ZC3HAV1: variants seen among roughly 807,000 people sequenced by gnomAD.
ZC3HAV1 encodes the protein zinc finger CCCH-type containing, antiviral 1, also known as zinc finger CCCH-type antiviral protein 1.
ZC3HAV1 carries 41 observed loss-of-function variants against 86.6 expected under a neutral mutation model. That is an observed-to-expected ratio of 0.47 (90% CI 0.37 to 0.61). The LOEUF (loss-of-function observed/expected upper bound fraction) is 0.61. Among genes scored for constraint, ZC3HAV1 ranks in the 20% least tolerant of loss-of-function variants. The pLI is 0.00. For missense variants in ZC3HAV1, 964 were observed against 1,141.1 expected, an observed-to-expected ratio of 0.84 and a Z score of 2.24; for synonymous variants, 421 against 432.1, an observed-to-expected ratio of 0.97 and a Z score of 0.32.
chr7:139,060,687 AAAAAAAG>A, intron 9 of ZC3HAV1: 1 of 1,094,450 alleles, frequency 9.1e-7, no homozygotes, highest in Non-Finnish European at 1.1e-6. Flanking sequence ...AAAAAAAAAA[AAAAAAAG>A]AATCCACAGC....
At chr7:139,107,246 G>T (rs947851093) in intron 1 of ZC3HAV1, among the ~76,000 whole-genome samples, 3 of 152,066 alleles carry the variant, frequency 2.0e-5, no homozygotes, top group African/African-American at 7.2e-5. Flanking sequence ...TGATTTCCTC[G>T]ATACCCATAA....
rs551341294 is a variant in ZC3HAV1 at position 139,076,867 on chromosome 7, G to C, written c.1574-458C>G. On this transcript the variant is annotated intron_variant, in intron 5 of 12. Coordinates refer to ENST00000242351, the MANE Select transcript of ZC3HAV1 (RefSeq NM_020119.4). ...AGATCACCCCACTGCACTCCAGCCT[G>C]GGTGACAGAGTGAAATTCTGTCTCA... Among the ~76,000 whole-genome samples, 5 of 151,902 alleles carry C rather than the reference G, an allele frequency of 3.3e-5. No homozygotes were observed. The East Asian group carries it at 5.8e-4, about 18-fold the overall frequency.
In ZC3HAV1 at chr7:139,094,497, TAA is replaced by T. The variant is rs34388465; in HGVS notation, c.309-4740_309-4739del. On this transcript the variant is annotated intron_variant, in intron 1 of 12. Coordinates refer to ENST00000242351, the MANE Select transcript of ZC3HAV1 (RefSeq NM_020119.4). ...CGAGTTGCAGTAGGAGGTGATAACT[TAA>T]AAAAAAAAAAAAAAACAGCAAAGAC... Among the ~76,000 whole-genome samples the T allele has an allele frequency of 5.3e-3, 682 of 129,488 alleles. 6 individuals are homozygous for T. Among genetic ancestry groups the T allele is most frequent in the African/African-American group, 0.018 (638 of 36,124 alleles). 84.9% of individuals were successfully genotyped at this position (129,488 alleles called of 152,430 possible). A position where few individuals can be genotyped will look rare whatever the true frequency, so the allele number is the denominator to read the frequency against.
chr7:139,100,299 A>G (rs1817712174), intron 1 of ZC3HAV1, among the ~76,000 whole-genome samples: 1 of 152,126 alleles, frequency 6.6e-6, no homozygotes, highest in Non-Finnish European at 1.5e-5. Context: ...TGGGAGGCCA[A>G]GGTGGGCAGA....
intron 3 of ZC3HAV1, among the ~76,000 whole-genome samples, chr7:139,082,224 G>A (rs915770222): frequency 3.3e-5 from 5 of 151,692 alleles, no homozygotes; most frequent in African/African-American, 9.7e-5. Flanking sequence ...AGCCGAGGTC[G>A]CACCACTGAA....
At chr7:139,064,516 C>T (rs1034547402) in intron 8 of ZC3HAV1, among the ~76,000 whole-genome samples, 3 of 152,158 alleles carry the variant, frequency 2.0e-5, no homozygotes, top group Admixed American at 6.5e-5. Context: ...AGGCCTCTAC[C>T]GTAGTCACCA....
At position 139,055,324 on chromosome 7, in the gene ZC3HAV1, ACT is replaced by A. The variant is rs774675505; in HGVS notation, c.2097-31_2097-30del. On this transcript the variant is annotated intron_variant, in intron 9 of 12. Transcript: ENST00000242351. ...CAAATAAAGAGAAAGAATTCACTTA[ACT>A]CTCTGCTCCACAGGCCCAAGTGATG... The A allele has an allele frequency of 4.4e-6, 7 of 1,591,898 alleles. No homozygotes were observed. The South Asian group carries it at 4.4e-5, about 10-fold the overall frequency.
chr7:139,097,984 G>A (rs564900235), intron 1 of ZC3HAV1, among the ~76,000 whole-genome samples: 30 of 151,848 alleles, frequency 2.0e-4, no homozygotes, highest in Admixed American at 6.6e-4. Flanking sequence ...TCACGCTGTC[G>A]CCCAGGTTGG....
chr7:139,070,673 A>AAG (rs1218001622), intron 7 of ZC3HAV1, among the ~76,000 whole-genome samples: 1 of 149,920 alleles, frequency 6.7e-6, no homozygotes, highest in African/African-American at 2.5e-5. Context: ...CAAAAAAAAA[A>AAG]AAAAAAAAAA....
intron 1 of ZC3HAV1, among the ~76,000 whole-genome samples, chr7:139,095,484 A>C (rs920417647): frequency 3.3e-5 from 5 of 152,226 alleles, no homozygotes; most frequent in African/African-American, 7.2e-5. Flanking sequence ...CAGCAGGCAC[A>C]AAGAGAGCCC....
At chr7:139,085,240 A>G (rs1817240235) in intron 2 of ZC3HAV1, among the ~76,000 whole-genome samples, 1 of 152,234 alleles carries the variant, frequency 6.6e-6, no homozygotes, top group Non-Finnish European at 1.5e-5. Context: ...TGTAGCAAAA[A>G]AGCACCATTA....
chr7:139,095,882 T>C (rs1466343954), intron 1 of ZC3HAV1, among the ~76,000 whole-genome samples: 1 of 152,206 alleles, frequency 6.6e-6, no homozygotes, highest in Admixed American at 6.5e-5. Context: ...GGCATCAGTA[T>C]TTTTTAAAGA....
At chr7:139,097,401 C>CATATAT (rs1183885767) in intron 1 of ZC3HAV1, among the ~76,000 whole-genome samples, 100 of 63,838 alleles carry the variant, frequency 1.6e-3, no homozygotes, top group African/African-American at 6.2e-3. Flanking sequence ...ATTGGAACTC[C>CATATAT]ATATATATAT....
In ZC3HAV1 at chr7:139,055,198, C is replaced by T; in HGVS notation, c.2187+7G>A. The T allele has an allele frequency of 6.2e-7, 1 of 1,610,944 alleles. No homozygotes were observed. Among genetic ancestry groups the T allele is most frequent in the Non-Finnish European group, 8.5e-7 (1 of 1,177,980 alleles). On this transcript the variant is annotated splice_region_variant and intron_variant, in intron 10 of 12. Coordinates refer to ENST00000242351, the MANE Select transcript of ZC3HAV1 (RefSeq NM_020119.4). The stretch of plus-strand genomic sequence containing the variant: ...GACTCATCCACCAAACATGTAAAAC[C>T]AAGTACCTTATATTTCTTTGAGGAT...
chr7:139,082,120 C>T (rs1325188945), intron 3 of ZC3HAV1, among the ~76,000 whole-genome samples: 1 of 152,050 alleles, frequency 6.6e-6, no homozygotes, highest in Non-Finnish European at 1.5e-5. Context: ...CAAAAATTAG[C>T]TGGGAGTGGT....
intron 1 of ZC3HAV1, among the ~76,000 whole-genome samples, chr7:139,104,068 C>A (rs1479305474): frequency 6.6e-6 from 1 of 152,014 alleles, no homozygotes; most frequent in South Asian, 2.1e-4. Context: ...AAAAGAGGAG[C>A]AAAACTGAAA....
chr7:139,087,844 C>G (rs1462940814), intron 2 of ZC3HAV1, among the ~76,000 whole-genome samples: 2 of 151,652 alleles, frequency 1.3e-5, no homozygotes, highest in South Asian at 4.2e-4. Flanking sequence ...GCCTGGTCAA[C>G]ATAGTGAGAC....
chr7:139,071,647 G>T (rs1816776251), intron 7 of ZC3HAV1, among the ~76,000 whole-genome samples: 1 of 152,112 alleles, frequency 6.6e-6, no homozygotes, highest in South Asian at 2.1e-4. Flanking sequence ...AATATCATAG[G>T]TGTTTTCACA....
intron 7 of ZC3HAV1, among the ~76,000 whole-genome samples, chr7:139,066,466 ACTT>A (rs1339412797): frequency 6.6e-6 from 1 of 152,196 alleles, no homozygotes; most frequent in African/African-American, 2.4e-5. Context: ...GTGGGAATAA[ACTT>A]GAATGTGTTT....
Sources: gnomAD v4.1 joint callset for allele counts (sites outside exome capture counted in the v4.1 genomes callset) on GRCh38, gnomAD v4.1.1 for gene constraint, MANE v1.5 for transcripts, NCBI Gene and HGNC (gene_info 2026-07-23, HGNC 2026-07-21) for gene names.